Variants in B4GALT7 observed in about 807,000 individuals in gnomAD.
B4GALT7 encodes the protein beta-1,4-galactosyltransferase 7.
In B4GALT7, 30 loss-of-function variants were observed where a neutral mutation model predicts 33.0. That is an observed-to-expected ratio of 0.91 (90% CI 0.68 to 1.23). The LOEUF is 1.23. Ranked by LOEUF, B4GALT7 falls within the 50% of genes most tolerant of loss-of-function variation. The pLI is 0.00. For missense variants in B4GALT7, 507 were observed against 450.8 expected (o/e 1.12, Z -1.13); for synonymous variants, 213 against 187.2 (o/e 1.14, Z -1.13).
At chr5:177,609,122 G>C in intron 5 of B4GALT7, 108 bp downstream of exon 5, 1 of 1,045,022 alleles carries the variant, frequency 9.6e-7, no homozygotes, top group Non-Finnish European at 1.4e-6. Context: ...ATCCTCCCCT[G>C]CTTGGCCCAG....
At chr5:177,603,984 G>T in intron 1 of B4GALT7, 195 bp from the exon 2 acceptor site, 10 of 790,348 alleles carry the variant, frequency 1.3e-5, no homozygotes, top group Non-Finnish European at 2.0e-5. Context: ...GCATGGGTTG[G>T]GTCTAGAGAG....
At position 177,600,319 on chromosome 5, in the gene B4GALT7, G is replaced by A; in HGVS notation, c.50+59G>A. 4 of 1,247,546 alleles carry A rather than the reference G, an allele frequency of 3.2e-6. No individual in the cohort carries two copies. Among genetic ancestry groups the A allele is most frequent in the Admixed American group, 4.1e-5 (1 of 24,280 alleles). 77.3% of individuals were successfully genotyped at this position (1,247,546 alleles called of 1,614,324 possible). Reference sequence around the variant, plus strand: ...CCCGGGCGCCGCTCCCTTCTCGGCCGCCGGCGGAATCTGGGAACCCGAGGC... The same window carrying A: ...CCCGGGCGCCGCTCCCTTCTCGGCCACCGGCGGAATCTGGGAACCCGAGGC... On this transcript the variant is annotated intron_variant, in intron 1 of 5. Transcript: ENST00000029410. This position sits in a 1 kb window ranked among gnomAD's most constrained non-coding sequence, Gnocchi z 4.4.
rs149805079 is a variant in B4GALT7, at chr5:177,608,616, G to A, written c.717G>A (p.Gly239=). The A allele has an allele frequency of 9.3e-6, 15 of 1,613,706 alleles. No homozygotes were observed. In the South Asian group the frequency reaches 1.6e-4, roughly 18 times the overall value. The change falls in exon 4 of 6, where the codon GGG becomes GGA. Residue 239 remains glycine, a synonymous_variant. Transcript: ENST00000029410. The surrounding 1 kb of genome is among the most constrained non-coding windows in gnomAD (Gnocchi z 4.1). ...TCTACCGGCGCATTAAGGGAGCTGG[G>A]CTCCAGGTGAGATTCCCCGGGCCCC... The part of the protein sequence containing the change: ...DEFYRRIKGA[G]LQLFRPSGIT...
chr5:177,608,518 C>A lies in B4GALT7; in HGVS notation c.640-21C>A. ...CCCCCCGGGAAGATGGGCCGAGTGA[C>A]GCTGCTTGTCTCTGTGTCAGTGCAA... is the stretch of plus-strand genomic sequence containing the variant. On this transcript the variant is annotated intron_variant, in intron 3 of 5. Transcript: ENST00000029410. This position sits in a 1 kb window ranked among gnomAD's most constrained non-coding sequence, Gnocchi z 4.1. 1.2e-6 allele frequency: 2 copies of A among 1,601,626 alleles called. No individual in the cohort carries two copies. Among genetic ancestry groups the A allele is most frequent in the Non-Finnish European group, 1.7e-6 (2 of 1,170,494 alleles).
Position 177,608,830 on chromosome 5 carries a change from T to C in B4GALT7, c.724-80T>C, listed in dbSNP as rs1768092548. On this transcript the variant is annotated intron_variant, in intron 4 of 5. Coordinates refer to ENST00000029410, the MANE Select transcript of B4GALT7 (RefSeq NM_007255.3). This position sits in a 1 kb window ranked among gnomAD's most constrained non-coding sequence, Gnocchi z 4.1. ...CAGGCTGGGAGTGCAGGTCCCTTCC[T>C]GTGGGACCTCGGGAGCTGGTGGTGA... 2.3e-6 allele frequency: 3 copies of C among 1,317,684 alleles called. No homozygotes were observed. Among genetic ancestry groups the C allele is most frequent in the Non-Finnish European group, 3.3e-6 (3 of 915,844 alleles). The allele number at this position is 1,317,684 out of a possible 1,614,324, so 81.6% of individuals were successfully genotyped here.
rs767559423 is a variant in B4GALT7 at position 177,607,449 on chromosome 5, C to T, written c.561C>T (p.Ser187=). ...AGGCTGGGCCCTTCCACGTGGCCTCCCCGGAGCTCCACCCTCTCTACCACT... is the reference window on the plus strand; with the variant it reads ...AGGCTGGGCCCTTCCACGTGGCCTCTCCGGAGCTCCACCCTCTCTACCACT... The part of the protein sequence containing the change: ...FPEAGPFHVA[S]PELHPLYHYK... Residue 187 remains serine (S), a synonymous_variant, in exon 3 of 6, where the codon TCC becomes TCT. Transcript: ENST00000029410. The T allele has an allele frequency of 1.1e-4, 183 of 1,613,766 alleles. 1 individual carries two copies. The South Asian group carries it at 1.8e-3, about 16-fold the overall frequency.
rs28499092 is a variant in B4GALT7, at chr5:177,604,601, C to A, written c.413+60C>A. 2.9e-5 allele frequency: 47 copies of A among 1,610,106 alleles called. No individual in the cohort carries two copies. In the African/African-American group the frequency reaches 5.6e-4, roughly 19 times the overall value. On this transcript the variant is annotated intron_variant, in intron 2 of 5. Transcript: ENST00000029410. Reference sequence around the variant, plus strand: ...CCTGCCCGGGCTCAGGCTTCTCAGGCCCTGTGAGAGGCCACCTGGGGCAGG... The same window carrying A: ...CCTGCCCGGGCTCAGGCTTCTCAGGACCTGTGAGAGGCCACCTGGGGCAGG...
intron 1 of B4GALT7, chr5:177,603,977 T>G (rs1303468683): frequency 1.1e-5 from 8 of 704,766 alleles, no homozygotes; most frequent in African/African-American, 7.2e-5. Context: ...GCGGGTGGCA[T>G]GGGTTGGGTC....
At position 177,609,680 on chromosome 5, in the gene B4GALT7, G is replaced by A. The variant is rs759502234; in HGVS notation, c.969G>A (p.Trp323Ter). 3 of 1,612,016 alleles carry A rather than the reference G, an allele frequency of 1.9e-6. No homozygotes were observed. The highest frequency in any genetic ancestry group is 2.5e-6 in the Non-Finnish European group (3 of 1,179,198). ...MLDCDKTATPWCTFS is the reference protein window; with the variant it reads ...MLDCDKTATP The stretch of plus-strand genomic sequence containing the variant: ...ACTGTGACAAGACCGCCACACCCTG[G>A]TGCACATTCAGCTGAGCTGGATGGA... The change falls in exon 6 of 6, where the codon TGG becomes TGA. Residue 323 changes from tryptophan (W) to a stop codon, truncating the protein, a stop_gained. Transcript: ENST00000029410. LOFTEE classifies it high-confidence loss of function.
chr5:177,607,133 T>C, intron 2 of B4GALT7, 169 bp from the exon 3 acceptor site: 1 of 681,996 alleles, frequency 1.5e-6, no homozygotes, highest in Non-Finnish European at 2.7e-6. Flanking sequence ...TGGCACATAG[T>C]GGGTGCTTAG....
In B4GALT7 at chr5:177,607,320, C is replaced by T. The variant is rs369974140; in HGVS notation, c.432C>T (p.Leu144=). 8.3e-5 allele frequency: 134 copies of T among 1,611,730 alleles called. No homozygotes were observed. Among genetic ancestry groups the T allele is most frequent in the East Asian group, 4.5e-5 (2 of 44,796 alleles). Residue 144 remains leucine (L), a synonymous_variant, in exon 3 of 6, where the codon CTC becomes CTT. Transcript: ENST00000029410. The part of the protein sequence containing the change: ...VDHFRFNRAA[L]INVGFLESSN... Reference sequence around the variant, plus strand: ...TGCACAGGTTCAACCGGGCAGCGCTCATCAACGTGGGCTTCCTGGAGAGCA... The same window carrying T: ...TGCACAGGTTCAACCGGGCAGCGCTTATCAACGTGGGCTTCCTGGAGAGCA...
rs1428138313 is a variant in B4GALT7, at chr5:177,600,327, A to C, written c.50+67A>C. On this transcript the variant is annotated intron_variant, in intron 1 of 5. Transcript: ENST00000029410. This position sits in a 1 kb window ranked among gnomAD's most constrained non-coding sequence, Gnocchi z 4.4. ...CCGCTCCCTTCTCGGCCGCCGGCGG[A>C]ATCTGGGAACCCGAGGCCATCACGT... 4.9e-6 allele frequency: 6 copies of C among 1,222,878 alleles called. No homozygotes were observed. The African/African-American group carries it at 7.9e-5, about 16-fold the overall frequency. The allele number at this position is 1,222,878 out of a possible 1,614,324, so 75.8% of individuals were successfully genotyped here.
chr5:177,602,293 C>T (rs1767868644), intron 1 of B4GALT7, among the ~76,000 whole-genome samples: 1 of 152,098 alleles, frequency 6.6e-6, no homozygotes, highest in South Asian at 2.1e-4. Flanking sequence ...GGTTGGCGGT[C>T]TCTCTAGAAA....
In B4GALT7 at chr5:177,608,196, A is replaced by G; in HGVS notation, c.640-343A>G. 2.8e-6 allele frequency: 1 copy of G among 356,398 alleles called. No homozygotes were observed. Among genetic ancestry groups the G allele is most frequent in the Non-Finnish European group, 5.3e-6 (1 of 188,154 alleles). 22.1% of individuals were successfully genotyped at this position (356,398 alleles called of 1,614,324 possible). On this transcript the variant is annotated intron_variant, in intron 3 of 5. Coordinates refer to ENST00000029410, the MANE Select transcript of B4GALT7 (RefSeq NM_007255.3). The surrounding 1 kb of genome is among the most constrained non-coding windows in gnomAD (Gnocchi z 4.1). ...CTACCCCTCTCACACACACAGGAAG[A>G]GATGAGGGCAGGGCCACCAGGAGAA...
In B4GALT7 at chr5:177,604,627, G is replaced by A. The variant is rs577109409; in HGVS notation, c.413+86G>A. 108 of 1,576,512 alleles carry A rather than the reference G, an allele frequency of 6.9e-5. 2 individuals are homozygous for A. The South Asian group carries it at 1.2e-3, about 17-fold the overall frequency. On this transcript the variant is annotated intron_variant, in intron 2 of 5. Transcript: ENST00000029410. Reference sequence around the variant, plus strand: ...CCTGTGAGAGGCCACCTGGGGCAGGGGCAGGAGGGCGGGAGGTGGCAGACC... The same window carrying A: ...CCTGTGAGAGGCCACCTGGGGCAGGAGCAGGAGGGCGGGAGGTGGCAGACC...
At position 177,600,771 on chromosome 5, in the gene B4GALT7, T is replaced by G. The variant is rs902209399; in HGVS notation, c.50+511T>G. ...TAGCCTCAGACCCTACCCTTCCTCC[T>G]TAACACTTCCCCCCATCCTTCGCAG... On this transcript the variant is annotated intron_variant, in intron 1 of 5. Transcript: ENST00000029410. This position sits in a 1 kb window ranked among gnomAD's most constrained non-coding sequence, Gnocchi z 4.4. Among the ~76,000 whole-genome samples, 2 of 152,118 alleles carry G rather than the reference T, an allele frequency of 1.3e-5. No individual in the cohort carries two copies. Among genetic ancestry groups the G allele is most frequent in the African/African-American group, 2.4e-5 (1 of 41,414 alleles).
Position 177,600,577 on chromosome 5 carries a change from G to T in B4GALT7, c.50+317G>T, listed in dbSNP as rs1268984219. 6.6e-6 allele frequency among the ~76,000 whole-genome samples: 1 copy of T among 151,560 alleles called. No homozygotes were observed. Among genetic ancestry groups the T allele is most frequent in the East Asian group, 1.9e-4 (1 of 5,158 alleles). ...GATCCCCTCTTTGCTAGTCTCTCTC[G>T]TTATGTGTTTCGTTGTGTCTGTGTT... On this transcript the variant is annotated intron_variant, in intron 1 of 5. Transcript: ENST00000029410. This position sits in a 1 kb window ranked among gnomAD's most constrained non-coding sequence, Gnocchi z 4.4.
At position 177,607,575 on chromosome 5, in the gene B4GALT7, G is replaced by C. The variant is rs368071898; in HGVS notation, c.639+48G>C. On this transcript the variant is annotated intron_variant, in intron 3 of 5. Transcript: ENST00000029410. Reference sequence around the variant, plus strand: ...TGCTCAGAGCCGGGAGCTCCCTCCAGGCTGCGGGTGGTGGGAAGGATGGGG... The same window carrying C: ...TGCTCAGAGCCGGGAGCTCCCTCCACGCTGCGGGTGGTGGGAAGGATGGGG... The C allele has an allele frequency of 3.4e-4, 522 of 1,557,124 alleles. 1 individual carries two copies. Among genetic ancestry groups the C allele is most frequent in the Non-Finnish European group, 2.5e-4 (281 of 1,139,006 alleles).
intron 2 of B4GALT7, chr5:177,605,267 A>C (rs1767960658): frequency 3.0e-6 from 1 of 335,082 alleles, no homozygotes; most frequent in Non-Finnish European, 5.9e-6. Flanking sequence ...TCCCAGCCTG[A>C]TTTACTCCAG....
Sources: gnomAD v4.1 joint callset for allele counts (sites outside exome capture counted in the v4.1 genomes callset) on GRCh38, gnomAD v4.1.1 for gene constraint, Gnocchi (gnomAD v3.1) non-coding constraint, MANE v1.5 for transcripts, NCBI Gene and HGNC (gene_info 2026-07-23, HGNC 2026-07-21) for gene names.